The following KAT2B variants were observed in gnomAD, a reference collection of about 807,000 sequenced individuals.
KAT2B encodes lysine acetyltransferase 2B, also known as histone acetyltransferase KAT2B.
KAT2B carries 36 observed loss-of-function variants against 105.9 expected under a neutral mutation model. The ratio of observed to expected loss-of-function variants is 0.34; its 90% CI spans 0.26 to 0.45. The LOEUF (loss-of-function observed/expected upper bound fraction) is 0.45, where lower values mean the gene tolerates loss of function less well. Among genes scored for constraint, KAT2B ranks in the 20% least tolerant of loss-of-function variants. The probability of loss-of-function intolerance (pLI) is 1.00; values close to 1 mark genes in which losing one functional copy is unlikely to be tolerated. For synonymous variants in KAT2B, 397 were observed against 377.9 expected, an observed-to-expected ratio of 1.05 and a Z score of -0.59; for missense variants, 820 against 1,021.6, an observed-to-expected ratio of 0.80 and a Z score of 2.69.
At position 20,040,541 on chromosome 3, in the gene KAT2B, C is replaced by T. The variant is rs567728419; in HGVS notation, c.64C>T (p.Pro22Ser). The T allele has an allele frequency of 4.6e-4, 459 of 1,007,008 alleles. No homozygotes were observed. The highest frequency in any genetic ancestry group is 5.2e-4 in the Non-Finnish European group (434 of 840,120). The allele number at this position is 1,007,008 out of a possible 1,614,324, so 62.4% of individuals were successfully genotyped here. A position where few individuals can be genotyped will look rare whatever the true frequency, so the allele number is the denominator to read the frequency against. Residue 22 changes from proline (P) to serine (S), a missense_variant, in exon 1 of 18, where the codon CCC (proline) becomes TCC (serine). Physicochemically the swap from Pro to Ser is moderately conservative, Grantham distance 74. Transcript: ENST00000263754. Reference protein sequence around the residue: ...CGAGAGAGAGPGALPPQPAAL... With the variant: ...CGAGAGAGAGSGALPPQPAAL... ...GGCAGGAGCCGGGGCAGGGGCCGGG[C>T]CCGGGGCGCTGCCCCCGCAGCCTGC... is the stretch of plus-strand genomic sequence containing the variant.
intron 1 of KAT2B, among the ~76,000 whole-genome samples, chr3:20,053,591 T>C (rs1450330613): frequency 3.3e-5 from 5 of 152,056 alleles, no homozygotes; most frequent in African/African-American, 1.2e-4. Flanking sequence ...ATGAGATCAG[T>C]GAGTTAAAAG....
At chr3:20,102,390 G>A (rs1698926518) in intron 5 of KAT2B, among the ~76,000 whole-genome samples, 1 of 152,070 alleles carries the variant, frequency 6.6e-6, no homozygotes, top group Non-Finnish European at 1.5e-5. Context: ...TATCTTCCAG[G>A]TTTTGTCCTT....
intron 11 of KAT2B, among the ~76,000 whole-genome samples, chr3:20,130,839 A>G (rs1204368752): frequency 6.9e-6 from 1 of 144,816 alleles, no homozygotes; most frequent in Non-Finnish European, 1.5e-5. Flanking sequence ...AAAACAAAAT[A>G]GAATGGATGA....
chr3:20,098,739 T>C (rs1254874416), intron 3 of KAT2B, among the ~76,000 whole-genome samples: 3 of 152,214 alleles, frequency 2.0e-5, no homozygotes, highest in African/African-American at 7.2e-5. Context: ...TAGAAACATA[T>C]ACAATGACTT....
rs1699179236 is a variant in KAT2B at position 20,114,875 on chromosome 3, T to A, written c.1044-7T>A. 2.0e-6 allele frequency: 3 copies of A among 1,494,648 alleles called. No homozygotes were observed. The highest frequency in any genetic ancestry group is 2.8e-5 in the African/African-American group (2 of 72,326). The allele number at this position is 1,494,648 out of a possible 1,614,324, so 92.6% of individuals were successfully genotyped here. ...TTTAATCTTATTGCTATTACTCTTG[T>A]GTCTAGATTTCTGTCCATGCTAGAA... On this transcript the variant is annotated splice_polypyrimidine_tract_variant and splice_region_variant and intron_variant, in intron 6 of 17. Coordinates refer to ENST00000263754, the MANE Select transcript of KAT2B (RefSeq NM_003884.5).
chr3:20,141,088 C>T (rs188270150), intron 13 of KAT2B, among the ~76,000 whole-genome samples: 35 of 152,276 alleles, frequency 2.3e-4, no homozygotes, highest in Admixed American at 1.6e-3. Flanking sequence ...ATAAATCAAA[C>T]CGTTTCAGGG....
rs200471371 is a variant in KAT2B, at chr3:20,126,113, C to T, written c.1622C>T (p.Pro541Leu). ...KEYITRLVFDPKHKTLALIKD... is the reference protein window; with the variant it reads ...KEYITRLVFDLKHKTLALIKD... Reference sequence around the variant, plus strand: ...TACATCACACGGCTCGTCTTTGACCCGTAAGTGGTACTTTCTGTTCCTTCT... The same window carrying T: ...TACATCACACGGCTCGTCTTTGACCTGTAAGTGGTACTTTCTGTTCCTTCT... Residue 541 changes from proline (P) to leucine (L), a missense_variant and splice_region_variant, in exon 10 of 18, where the codon CCG (proline) becomes CTG (leucine). Coordinates refer to ENST00000263754, the MANE Select transcript of KAT2B (RefSeq NM_003884.5). 1.7e-4 allele frequency: 267 copies of T among 1,588,382 alleles called. No homozygotes were observed. Among genetic ancestry groups the T allele is most frequent in the Non-Finnish European group, 2.1e-4 (250 of 1,166,310 alleles).
chr3:20,129,004 T>C (rs1233967550), intron 11 of KAT2B, among the ~76,000 whole-genome samples: 3 of 85,226 alleles, frequency 3.5e-5, no homozygotes, highest in Non-Finnish European at 6.7e-5. Flanking sequence ...CGAAACTCCA[T>C]CTCAAAAAAA....
At chr3:20,068,371 C>T (rs969570777) in intron 1 of KAT2B, among the ~76,000 whole-genome samples, 5 of 150,918 alleles carry the variant, frequency 3.3e-5, no homozygotes, top group African/African-American at 1.2e-4. Context: ...GTTGAGCAAG[C>T]CAGGCACTCT....
intron 12 of KAT2B, 114 bp from the exon 13 acceptor site, chr3:20,140,106 AT>A (rs1423707405): frequency 2.9e-6 from 2 of 687,418 alleles, no homozygotes; most frequent in African/African-American, 3.6e-5. Flanking sequence ...GAATAGTACA[AT>A]GAGAACTTCA....
chr3:20,116,840 A>G (rs1236724469), intron 7 of KAT2B, among the ~76,000 whole-genome samples: 2 of 152,226 alleles, frequency 1.3e-5, no homozygotes, highest in South Asian at 2.1e-4. Context: ...AAATTGCCCA[A>G]GATAGACCTT....
chr3:20,137,945 G>C (rs1020092123), intron 12 of KAT2B, among the ~76,000 whole-genome samples: 1 of 152,324 alleles, frequency 6.6e-6, no homozygotes, highest in Middle Eastern at 3.4e-3. Context: ...GTTTGAAACA[G>C]CCTGGGCAAC....
chr3:20,089,082 A>G (rs1024363116), intron 2 of KAT2B, among the ~76,000 whole-genome samples: 1 of 152,096 alleles, frequency 6.6e-6, no homozygotes, highest in Non-Finnish European at 1.5e-5. Context: ...CAGTTGGTCT[A>G]TGTATTTGTT....
chr3:20,123,162 C>T (rs1485401687), intron 9 of KAT2B, among the ~76,000 whole-genome samples: 3 of 152,168 alleles, frequency 2.0e-5, no homozygotes, highest in African/African-American at 4.8e-5. Context: ...TTTGCTACCT[C>T]TCTTTCTCTC....
chr3:20,085,060 GT>G (rs1321489764), intron 2 of KAT2B, among the ~76,000 whole-genome samples: 1 of 152,122 alleles, frequency 6.6e-6, no homozygotes, highest in Non-Finnish European at 1.5e-5. Flanking sequence ...TTAAAAGTTT[GT>G]AAGACAGGCC....
At chr3:20,127,222 T>C (rs1249253624) in intron 10 of KAT2B, among the ~76,000 whole-genome samples, 1 of 152,154 alleles carries the variant, frequency 6.6e-6, no homozygotes, top group Non-Finnish European at 1.5e-5. Flanking sequence ...ATGGGAGTGC[T>C]GATGACATCT....
At chr3:20,123,133 C>A (rs1433614375) in intron 9 of KAT2B, among the ~76,000 whole-genome samples, 1 of 152,168 alleles carries the variant, frequency 6.6e-6, no homozygotes, top group Non-Finnish European at 1.5e-5. Context: ...TGAGATTCAG[C>A]AGTTAACATT....
In KAT2B at chr3:20,095,380, C is replaced by A; in HGVS notation, c.548C>A (p.Thr183Asn). The A allele has an allele frequency of 6.3e-7, 1 of 1,593,096 alleles. No individual in the cohort carries two copies. The highest frequency in any genetic ancestry group is 8.6e-7 in the Non-Finnish European group (1 of 1,161,792). Reference protein sequence around the residue: ...TCVHKEEDADTKQVYFYLFKL... With the variant: ...TCVHKEEDADNKQVYFYLFKL... ...GTCCACAAGGAAGAAGATGCAGATA[C>A]CAAACAAGTTTATTTCTATCTATTT... Residue 183 changes from threonine (T) to asparagine (N), a missense_variant, in exon 3 of 18, where the codon ACC becomes AAC. Thr to Asn is a moderately conservative substitution (Grantham distance 65, BLOSUM62 0). Transcript: ENST00000263754.
intron 1 of KAT2B, among the ~76,000 whole-genome samples, chr3:20,046,914 A>G (rs1697821099): frequency 6.6e-6 from 1 of 152,216 alleles, no homozygotes; most frequent in African/African-American, 2.4e-5. Context: ...AGTGGAGGCC[A>G]GTAATGTTGC....
Sources: allele counts gnomAD v4.1 joint callset (sites outside exome capture counted in the v4.1 genomes callset), GRCh38; gene constraint gnomAD v4.1.1; transcripts MANE v1.5; gene names NCBI Gene and HGNC (gene_info 2026-07-23, HGNC 2026-07-21).